Variants in TRPC5 observed in about 807,000 individuals in gnomAD.
The protein encoded by TRPC5 is transient receptor potential cation channel subfamily C member 5.
A neutral mutation model predicts 56.5 loss-of-function variants in TRPC5; 9 were observed. The ratio of observed to expected loss-of-function variants is 0.16; its 90% CI spans 0.10 to 0.28. The LOEUF (loss-of-function observed/expected upper bound fraction) is 0.28. Among genes scored for constraint, TRPC5 ranks in the 10% least tolerant of loss-of-function variants. The pLI is 1.00. For missense variants in TRPC5, 469 were observed against 748.9 expected, an observed-to-expected ratio of 0.63 and a Z score of 4.36; for synonymous variants, 282 against 278.5, an observed-to-expected ratio of 1.01 and a Z score of -0.13.
intron 7 of TRPC5, among the ~76,000 whole-genome samples, chrX:111,813,819 G>C (rs1471521390): frequency 1.8e-5 from 2 of 112,260 alleles, no homozygotes; most frequent in East Asian, 5.6e-4. Context: ...TTGAGTATAA[G>C]ACCAGCTCTA....
intron 7 of TRPC5, among the ~76,000 whole-genome samples, chrX:111,795,145 T>G: frequency 9.0e-6 from 1 of 111,098 alleles, no homozygotes; most frequent in Non-Finnish European, 1.9e-5. Flanking sequence ...TTTTTTTTCT[T>G]ATTTCACTGT....
intron 1 of TRPC5, among the ~76,000 whole-genome samples, chrX:112,059,695 ACC>A (rs1295624732): frequency 1.8e-5 from 2 of 111,807 alleles, no homozygotes; most frequent in Non-Finnish European, 3.8e-5. Context: ...CCAAATTTTC[ACC>A]TATGTGTTTC....
At chrX:111,810,228 A>G (rs1225429520) in intron 7 of TRPC5, among the ~76,000 whole-genome samples, 1 of 111,271 alleles carries the variant, frequency 9.0e-6, no homozygotes, top group East Asian at 2.8e-4. Flanking sequence ...GCCATATTCT[A>G]TTTGTTAAAA....
Position 111,774,826 on chromosome X carries a change from G to C in TRPC5, c.*1487C>G, listed in dbSNP as rs1945865672. On this transcript the variant is annotated 3_prime_UTR_variant, in exon 11 of 11. Coordinates refer to ENST00000262839, the MANE Select transcript of TRPC5 (RefSeq NM_012471.3). Reference sequence around the variant, plus strand: ...ATTGGTGTTGACATTAAAAAAAACAGCGTGACACCTATTTTACTTTTCTGG... The same window carrying C: ...ATTGGTGTTGACATTAAAAAAAACACCGTGACACCTATTTTACTTTTCTGG... The C allele has an allele frequency of 9.0e-6, 1 of 110,733 alleles. No homozygotes were observed. The highest frequency in any genetic ancestry group is 1.9e-5 in the Non-Finnish European group (1 of 52,910). The allele number at this position is 110,733 out of a possible 1,213,427, so 9.1% of individuals were successfully genotyped here. A position where few individuals can be genotyped will look rare whatever the true frequency, so the allele number is the denominator to read the frequency against.
intron 10 of TRPC5, 120 bp from the exon 11 acceptor site, chrX:111,777,122 A>G (rs1298293872): frequency 3.8e-6 from 2 of 527,593 alleles, no homozygotes; most frequent in Admixed American, 7.7e-5. Flanking sequence ...AAAACACCAG[A>G]AAAATCTGCC....
intron 1 of TRPC5, among the ~76,000 whole-genome samples, chrX:112,079,522 G>C (rs1930912958): frequency 8.9e-6 from 1 of 111,907 alleles, no homozygotes; most frequent in Non-Finnish European, 1.9e-5. Context: ...TTGATTTCTG[G>C]ATTAATTCCA....
At chrX:112,073,476 G>T (rs1360686745) in intron 1 of TRPC5, among the ~76,000 whole-genome samples, 2 of 110,550 alleles carry the variant, frequency 1.8e-5, no homozygotes, top group African/African-American at 6.5e-5. Flanking sequence ...CACCATGTTG[G>T]TCAGGCTGGT....
At chrX:111,861,407 T>C (rs1923401434) in intron 3 of TRPC5, among the ~76,000 whole-genome samples, 1 of 112,322 alleles carries the variant, frequency 8.9e-6, no homozygotes, top group Admixed American at 9.4e-5. Flanking sequence ...GCTTAAACCA[T>C]CCACTTTATT....
intron 1 of TRPC5, among the ~76,000 whole-genome samples, chrX:111,970,087 TC>T (rs1204786250): frequency 9.9e-5 from 11 of 111,014 alleles, no homozygotes; most frequent in Non-Finnish European, 1.7e-4. Flanking sequence ...GGAGGAACCT[TC>T]AAATAATATC....
At chrX:111,968,484 C>A (rs1658823855) in intron 1 of TRPC5, among the ~76,000 whole-genome samples, 2 of 110,987 alleles carry the variant, frequency 1.8e-5, no homozygotes, top group African/African-American at 6.5e-5. Flanking sequence ...GGTATATACC[C>A]AAAGGATTAT....
intron 2 of TRPC5, among the ~76,000 whole-genome samples, chrX:111,948,680 C>T (rs1420893594): frequency 7.5e-5 from 8 of 106,595 alleles, no homozygotes; most frequent in East Asian, 5.9e-4. Flanking sequence ...TGCAGTGAGC[C>T]GAGATTGTGC....
At chrX:111,989,795 G>A (rs1603133135) in intron 1 of TRPC5, among the ~76,000 whole-genome samples, 1 of 112,233 alleles carries the variant, frequency 8.9e-6, no homozygotes. Flanking sequence ...TCAAAACGAT[G>A]AATGAAGAAA....
In TRPC5 at chrX:111,949,692, T is replaced by C. The variant is rs772761138; in HGVS notation, c.378+2351A>G. 3.6e-3 allele frequency among the ~76,000 whole-genome samples: 396 copies of C among 110,949 alleles called. 2 individuals carry two copies. The highest frequency in any genetic ancestry group is 0.012 in the African/African-American group (378 of 30,523). On this transcript the variant is annotated intron_variant, in intron 2 of 10. Coordinates refer to ENST00000262839, the MANE Select transcript of TRPC5 (RefSeq NM_012471.3). ...GGCCATAATCAAAAAATAAAAAAAA[T>C]AGTAGATGTTGGTGTGGATGCAGTG... is the stretch of plus-strand genomic sequence containing the variant.
At chrX:112,014,197 GGTGTAATACTTAACCTC>G (rs1929062272) in intron 1 of TRPC5, among the ~76,000 whole-genome samples, 1 of 111,625 alleles carries the variant, frequency 9.0e-6, no homozygotes. Flanking sequence ...CTATAAAATG[GGTGTAATACTTAACCTC>G]GTTCCTCTTT....
intron 1 of TRPC5, among the ~76,000 whole-genome samples, chrX:111,967,987 C>T (rs1011203944): frequency 4.5e-5 from 5 of 110,649 alleles, no homozygotes; most frequent in Non-Finnish European, 9.5e-5. Context: ...TCTAATTAAA[C>T]TAAAGAGCTT....
chrX:112,028,560 A>G (rs1929487926), intron 1 of TRPC5, among the ~76,000 whole-genome samples: 1 of 111,601 alleles, frequency 9.0e-6, no homozygotes, highest in South Asian at 3.8e-4. Context: ...TTTGCTTAGA[A>G]TGATGGTTTC....
intron 1 of TRPC5, among the ~76,000 whole-genome samples, chrX:111,995,610 T>C (rs1302351054): frequency 1.8e-5 from 2 of 111,502 alleles, no homozygotes; most frequent in African/African-American, 6.5e-5. Flanking sequence ...TTTTTTGGTT[T>C]GGTAGGCTAT....
At position 112,006,643 on chromosome X, in the gene TRPC5, G is replaced by C. The variant is rs183943975; in HGVS notation, c.-21-54202C>G. On this transcript the variant is annotated intron_variant, in intron 1 of 10. Transcript: ENST00000262839. ...AATAGTAAAACCATCCTCCATTCTG[G>C]AATGAGTAGAATTTATATGGGATGT... is the stretch of plus-strand genomic sequence containing the variant. 2.6e-3 allele frequency among the ~76,000 whole-genome samples: 293 copies of C among 111,599 alleles called. 1 individual carries two copies. Among genetic ancestry groups the C allele is most frequent in the Middle Eastern group, 4.7e-3 (1 of 215 alleles).
intron 7 of TRPC5, among the ~76,000 whole-genome samples, chrX:111,812,624 G>A (rs1255546233): frequency 9.0e-6 from 1 of 111,289 alleles, no homozygotes; most frequent in African/African-American, 3.3e-5. Context: ...GTCCAGTGGC[G>A]GTGATGGGAA....
Sources: gnomAD v4.1 joint callset for allele counts (sites outside exome capture counted in the v4.1 genomes callset) on GRCh38, gnomAD v4.1.1 for gene constraint, MANE v1.5 for transcripts, NCBI Gene and HGNC (gene_info 2026-07-23, HGNC 2026-07-21) for gene names.